Variants in HTR7 observed in about 807,000 individuals in gnomAD.
HTR7 encodes the protein 5-hydroxytryptamine receptor 7, also known as 5-HT-7.
Under a neutral mutation model 34.0 loss-of-function variants are expected in HTR7, and 16 were observed. That is an observed-to-expected ratio of 0.47 (90% CI 0.32 to 0.71). The LOEUF is 0.71. Ranked by LOEUF, HTR7 falls within the 30% of genes least tolerant of loss-of-function variation. HTR7 has a pLI of 0.04. For missense variants in HTR7, 504 were observed against 625.5 expected (o/e 0.81, Z 2.07); for synonymous variants, 265 against 260.2 (o/e 1.02, Z -0.18).
At chr10:90,828,791 T>C (rs1589470783) in intron 1 of HTR7, among the ~76,000 whole-genome samples, 2 of 152,192 alleles carry the variant, frequency 1.3e-5, no homozygotes, top group South Asian at 4.1e-4. Context: ...CTACTAAAAC[T>C]ATTCTGAAAA....
At chr10:90,828,733 A>C (rs571295039) in intron 1 of HTR7, among the ~76,000 whole-genome samples, 8 of 152,130 alleles carry the variant, frequency 5.3e-5, no homozygotes, top group Non-Finnish European at 1.2e-4. Flanking sequence ...CCCAGGACCC[A>C]ATGGCTTCAC....
At chr10:90,770,079 C>A (rs1845083767) in intron 1 of HTR7, among the ~76,000 whole-genome samples, 2 of 152,236 alleles carry the variant, frequency 1.3e-5, no homozygotes. Context: ...CGGAACCTGC[C>A]CCCAGGCCCA....
chr10:90,820,470 A>G (rs1261029706), intron 1 of HTR7, among the ~76,000 whole-genome samples: 4 of 152,210 alleles, frequency 2.6e-5, no homozygotes, highest in Non-Finnish European at 4.4e-5. Context: ...CCTGATTTAC[A>G]AAGGGGGATA....
At chr10:90,751,624 C>T (rs1430893841) in intron 1 of HTR7, among the ~76,000 whole-genome samples, 1 of 152,118 alleles carries the variant, frequency 6.6e-6, no homozygotes, top group Non-Finnish European at 1.5e-5. Context: ...TTTACACCTA[C>T]TTACTGGGAA....
At chr10:90,815,086 T>G (rs1438689130) in intron 1 of HTR7, among the ~76,000 whole-genome samples, 1 of 79,910 alleles carries the variant, frequency 1.3e-5, no homozygotes, top group Admixed American at 1.3e-4. Flanking sequence ...TTTTTTTTGT[T>G]TTTTTTTTTG....
At chr10:90,757,110 C>T (rs1261961841) in intron 1 of HTR7, among the ~76,000 whole-genome samples, 1 of 152,056 alleles carries the variant, frequency 6.6e-6, no homozygotes, top group East Asian at 1.9e-4. Flanking sequence ...TGGCATAAAA[C>T]CTTAGCTAAA....
rs191230490 is a variant in HTR7, at chr10:90,834,851, G to C, written c.539+22282C>G. Among the ~76,000 whole-genome samples, 20 of 152,294 alleles carry C rather than the reference G, an allele frequency of 1.3e-4. No individual in the cohort carries two copies. The East Asian group carries it at 3.1e-3, about 24-fold the overall frequency. ...CCAATCCTAAATTCTGTGTAGGAAG[G>C]GGTGCAAAGTCACCCTTGAGAGGGG... is the stretch of plus-strand genomic sequence containing the variant. On this transcript the variant is annotated intron_variant, in intron 1 of 3. Transcript: ENST00000336152.
chr10:90,789,221 A>C (rs909402884), intron 1 of HTR7, among the ~76,000 whole-genome samples: 6 of 152,188 alleles, frequency 3.9e-5, no homozygotes, highest in Admixed American at 6.5e-5. Context: ...GCATTGTTAT[A>C]CCACAAAAAG....
chr10:90,806,011 T>C (rs1311847833), intron 1 of HTR7, among the ~76,000 whole-genome samples: 1 of 152,226 alleles, frequency 6.6e-6, no homozygotes, highest in Non-Finnish European at 1.5e-5. Context: ...GTTAGAATAG[T>C]TGTTAATAAA....
intron 1 of HTR7, among the ~76,000 whole-genome samples, chr10:90,812,779 T>C (rs1434065650): frequency 1.3e-5 from 2 of 152,166 alleles, no homozygotes; most frequent in Admixed American, 6.5e-5. Flanking sequence ...TATTTTGTTT[T>C]ATTTTTCTTA....
chr10:90,849,247 T>G (rs1478139138), intron 1 of HTR7, among the ~76,000 whole-genome samples: 1 of 152,232 alleles, frequency 6.6e-6, no homozygotes, highest in Non-Finnish European at 1.5e-5. Context: ...ACTAAACTAT[T>G]TGCAACGTAG....
At chr10:90,782,529 A>C (rs1032681469) in intron 1 of HTR7, among the ~76,000 whole-genome samples, 3 of 152,152 alleles carry the variant, frequency 2.0e-5, no homozygotes, top group Non-Finnish European at 4.4e-5. Flanking sequence ...TTCCTTGAGC[A>C]ATCAAACCTG....
intron 1 of HTR7, among the ~76,000 whole-genome samples, chr10:90,771,644 T>C (rs1394978199): frequency 6.6e-6 from 1 of 152,214 alleles, no homozygotes; most frequent in Middle Eastern, 3.2e-3. Context: ...TGGAGCTGCC[T>C]GCCCCATGGC....
In HTR7 at chr10:90,749,259, A is replaced by T. The variant is rs774945881; in HGVS notation, c.875T>A (p.Ile292Lys). The change falls in exon 2 of 4, where the codon ATA becomes AAA. Residue 292 changes from isoleucine to lysine, a missense_variant. Coordinates refer to ENST00000336152, the MANE Select transcript of HTR7 (RefSeq NM_019859.4). This position sits in a 1 kb window ranked among gnomAD's most constrained non-coding sequence, Gnocchi z 4.2. The stretch of plus-strand genomic sequence containing the variant: ...TTCCACCTCCTTCTGGAGCTTCACT[A>T]TGCCATTCAGGGCGATGACGCTGTC... ...EPDSVIALNG[I>K]VKLQKEVEEC... 3.1e-6 allele frequency: 5 copies of T among 1,614,090 alleles called. No homozygotes were observed. The highest frequency in any genetic ancestry group is 4.2e-6 in the Non-Finnish European group (5 of 1,180,006).
chr10:90,799,298 T>G (rs1456020548), intron 1 of HTR7, among the ~76,000 whole-genome samples: 1 of 152,078 alleles, frequency 6.6e-6, no homozygotes, highest in African/African-American at 2.4e-5. Flanking sequence ...GGAGACTGAT[T>G]TGAGTAATAA....
At chr10:90,817,289 T>A (rs763730807) in intron 1 of HTR7, among the ~76,000 whole-genome samples, 2 of 152,158 alleles carry the variant, frequency 1.3e-5, no homozygotes, top group Non-Finnish European at 2.9e-5. Flanking sequence ...TACTCCCACC[T>A]TCAGGGGAGC....
At chr10:90,804,398 C>A (rs1245621314) in intron 1 of HTR7, among the ~76,000 whole-genome samples, 3 of 152,190 alleles carry the variant, frequency 2.0e-5, no homozygotes, top group Non-Finnish European at 4.4e-5. Context: ...ACCAAAAGAG[C>A]ATTGTTTGTA....
At chr10:90,848,069 C>CTTTTTTTTTTTTTTTTTT (rs61675028) in intron 1 of HTR7, among the ~76,000 whole-genome samples, 2 of 112,098 alleles carry the variant, frequency 1.8e-5, no homozygotes, top group African/African-American at 7.6e-5. Context: ...TCTCTTTGTT[C>CTTTTTTTTTTTTTTTTTT]TTTTTTTTTT....
At chr10:90,778,594 A>G (rs1021060030) in intron 1 of HTR7, among the ~76,000 whole-genome samples, 2 of 152,202 alleles carry the variant, frequency 1.3e-5, no homozygotes, top group Non-Finnish European at 2.9e-5. Flanking sequence ...AAAATAAGCT[A>G]AGACATCCTA....
Sources: allele counts gnomAD v4.1 joint callset (sites outside exome capture counted in the v4.1 genomes callset), GRCh38; gene constraint gnomAD v4.1.1; non-coding constraint Gnocchi (gnomAD v3.1); transcripts MANE v1.5; gene names NCBI Gene and HGNC (gene_info 2026-07-23, HGNC 2026-07-21).